The following CTTNBP2NL variants were observed in gnomAD, a reference collection of about 807,000 sequenced individuals.
The protein encoded by CTTNBP2NL is CTTNBP2 N-terminal like.
CTTNBP2NL carries 16 observed loss-of-function variants against 32.5 expected under a neutral mutation model. The observed-to-expected ratio is 0.49, with a 90% CI of 0.33 to 0.75. CTTNBP2NL has a LOEUF of 0.75. CTTNBP2NL is among the 30% of genes least tolerant of loss of function. The probability of loss-of-function intolerance (pLI) is 0.02; values close to 1 mark genes in which losing one functional copy is unlikely to be tolerated. For synonymous variants in CTTNBP2NL, 298 were observed against 289.4 expected, an observed-to-expected ratio of 1.03 and a Z score of -0.30; for missense variants, 645 against 756.0, an observed-to-expected ratio of 0.85 and a Z score of 1.72.
chr1:112,419,068 A>G (rs1036545499), intron 3 of CTTNBP2NL, among the ~76,000 whole-genome samples: 5 of 152,174 alleles, frequency 3.3e-5, no homozygotes, highest in Admixed American at 1.3e-4. Context: ...TTCATGTGCG[A>G]TTAACTTAAG....
intron 4 of CTTNBP2NL, 150 bp from the exon 5 acceptor site, chr1:112,454,299 C>T: frequency 1.6e-6 from 1 of 615,662 alleles, no homozygotes; most frequent in Non-Finnish European, 2.9e-6. Flanking sequence ...GCAGTGTGCT[C>T]CTTGATAGCC....
intron 2 of CTTNBP2NL, among the ~76,000 whole-genome samples, chr1:112,413,545 C>A (rs1385404900): frequency 6.6e-6 from 1 of 152,184 alleles, no homozygotes; most frequent in Non-Finnish European, 1.5e-5. Context: ...CCCAGTCACA[C>A]AACTAGGAAG....
chr1:112,409,634 A>G (rs1394753161), intron 1 of CTTNBP2NL, among the ~76,000 whole-genome samples: 1 of 152,096 alleles, frequency 6.6e-6, no homozygotes, highest in Non-Finnish European at 1.5e-5. Context: ...GCCCTGTCCT[A>G]CTGCTTACAT....
chr1:112,441,184 G>T (rs544190092), intron 3 of CTTNBP2NL, among the ~76,000 whole-genome samples: 2 of 152,214 alleles, frequency 1.3e-5, no homozygotes, highest in African/African-American at 4.8e-5. Flanking sequence ...CCAGGATCTT[G>T]TGCCCCTTCC....
chr1:112,438,429 G>A (rs1200743531), intron 3 of CTTNBP2NL, among the ~76,000 whole-genome samples: 1 of 152,122 alleles, frequency 6.6e-6, no homozygotes, highest in Non-Finnish European at 1.5e-5. Flanking sequence ...TTTATCAGCT[G>A]AAGGAATTTT....
chr1:112,438,103 G>A (rs1211555679), intron 3 of CTTNBP2NL, among the ~76,000 whole-genome samples: 1 of 152,030 alleles, frequency 6.6e-6, no homozygotes, highest in South Asian at 2.1e-4. Context: ...ATTTAAGTCT[G>A]TAATCCATCT....
At chr1:112,447,272 T>TAAA (rs35522134) in intron 3 of CTTNBP2NL, among the ~76,000 whole-genome samples, 18 of 69,682 alleles carry the variant, frequency 2.6e-4, no homozygotes, top group African/African-American at 6.5e-4. Flanking sequence ...AGACTCCATC[T>TAAA]AAAAAAAAAA....
intron 2 of CTTNBP2NL, among the ~76,000 whole-genome samples, chr1:112,413,741 T>C (rs2101000076): frequency 6.6e-6 from 1 of 152,320 alleles, no homozygotes. Flanking sequence ...TACTAGTTGC[T>C]GAAATTCACT....
At chr1:112,421,349 G>A (rs1649226103) in intron 3 of CTTNBP2NL, among the ~76,000 whole-genome samples, 1 of 133,244 alleles carries the variant, frequency 7.5e-6, no homozygotes, top group African/African-American at 2.8e-5. Flanking sequence ...TGCCCAGGCT[G>A]GAGTGCAGTG....
chr1:112,408,820 T>C (rs1399137750), intron 1 of CTTNBP2NL, among the ~76,000 whole-genome samples: 2 of 152,108 alleles, frequency 1.3e-5, no homozygotes, highest in Non-Finnish European at 2.9e-5. Context: ...TGGCTTGGCT[T>C]ATATGTATTG....
intron 2 of CTTNBP2NL, 47 bp from the exon 3 acceptor site, chr1:112,416,110 A>C: frequency 1.0e-6 from 1 of 981,282 alleles, no homozygotes; most frequent in Non-Finnish European, 1.6e-6. Flanking sequence ...AATTGTATCA[A>C]ATTAACTATG....
intron 3 of CTTNBP2NL, among the ~76,000 whole-genome samples, chr1:112,446,146 T>C (rs1650029569): frequency 6.6e-6 from 1 of 151,994 alleles, no homozygotes; most frequent in South Asian, 2.1e-4. Flanking sequence ...TTTTTTCTTT[T>C]GCTTCTTTTT....
chr1:112,404,433 A>G (rs193144625), intron 1 of CTTNBP2NL, among the ~76,000 whole-genome samples: 1 of 152,186 alleles, frequency 6.6e-6, no homozygotes, highest in Non-Finnish European at 1.5e-5. Flanking sequence ...TTGATGGTTA[A>G]TCCTTCATAC....
chr1:112,397,210 A>G (rs768466790), intron 1 of CTTNBP2NL, among the ~76,000 whole-genome samples: 3 of 152,226 alleles, frequency 2.0e-5, no homozygotes, highest in Non-Finnish European at 4.4e-5. Context: ...AACAGTATAC[A>G]TAAGTAAATA....
At chr1:112,449,891 C>G (rs1390980577) in intron 4 of CTTNBP2NL, among the ~76,000 whole-genome samples, 1 of 151,972 alleles carries the variant, frequency 6.6e-6, no homozygotes, top group Non-Finnish European at 1.5e-5. Flanking sequence ...AGAAGGCAAA[C>G]CTGTGCTTTC....
intron 1 of CTTNBP2NL, among the ~76,000 whole-genome samples, chr1:112,399,746 A>G (rs1648439890): frequency 6.6e-6 from 1 of 152,152 alleles, no homozygotes; most frequent in Non-Finnish European, 1.5e-5. Flanking sequence ...GTGGCTTATT[A>G]GCATGTTTTC....
rs572238546 is a variant in CTTNBP2NL at position 112,447,191 on chromosome 1, G to A, written c.100-1751G>A. On this transcript the variant is annotated intron_variant, in intron 3 of 5. Coordinates refer to ENST00000271277, the MANE Select transcript of CTTNBP2NL (RefSeq NM_018704.3). The stretch of plus-strand genomic sequence containing the variant: ...TGGGAGGCTGAGGCAGGAGAATGGC[G>A]TGAACCCAAGAGGTGGAGCTTGCAG... Among the ~76,000 whole-genome samples, 4 of 150,316 alleles carry A rather than the reference G, an allele frequency of 2.7e-5. No homozygotes were observed. In the South Asian group the frequency reaches 6.3e-4, roughly 24 times the overall value.
At chr1:112,439,709 G>T (rs550533049) in intron 3 of CTTNBP2NL, among the ~76,000 whole-genome samples, 13 of 152,264 alleles carry the variant, frequency 8.5e-5, no homozygotes, top group African/African-American at 3.1e-4. Context: ...GGGTTTCACT[G>T]TGTAATACTT....
At chr1:112,445,257 C>T (rs1650005508) in intron 3 of CTTNBP2NL, among the ~76,000 whole-genome samples, 1 of 152,126 alleles carries the variant, frequency 6.6e-6, no homozygotes, top group African/African-American at 2.4e-5. Flanking sequence ...CCCTCCAAAA[C>T]TGTGAGATTT....
Sources: allele counts gnomAD v4.1 joint callset (sites outside exome capture counted in the v4.1 genomes callset), GRCh38; gene constraint gnomAD v4.1.1; transcripts MANE v1.5; gene names NCBI Gene and HGNC (gene_info 2026-07-23, HGNC 2026-07-21).